The following C2CD3 variants were observed in gnomAD, a reference collection of about 807,000 sequenced individuals.
C2CD3 encodes C2 domain containing 3 centriole elongation regulator.
In C2CD3, 148 loss-of-function variants were observed where a neutral mutation model predicts 234.0. The ratio of observed to expected loss-of-function variants is 0.63; its 90% CI spans 0.55 to 0.72. The LOEUF is 0.72. Ranked by LOEUF, C2CD3 falls within the 30% of genes least tolerant of loss-of-function variation. The pLI, the probability that C2CD3 is intolerant of heterozygous loss-of-function variation, is 0.00. For missense variants in C2CD3, 2,577 were observed against 2,811.5 expected, an observed-to-expected ratio of 0.92 and a Z score of 1.89; for synonymous variants, 1,000 against 1,035.4, an observed-to-expected ratio of 0.97 and a Z score of 0.66.
intron 22 of C2CD3, among the ~76,000 whole-genome samples, chr11:74,079,894 A>G (rs1204577507): frequency 6.6e-6 from 1 of 152,146 alleles, no homozygotes; most frequent in African/African-American, 2.4e-5. Context: ...ATTATATATC[A>G]GGGCTCACAG....
chr11:74,162,282 GA>G (rs905455938), intron 2 of C2CD3, among the ~76,000 whole-genome samples: 13 of 151,696 alleles, frequency 8.6e-5, no homozygotes, highest in Admixed American at 6.6e-4. Context: ...TTGCTAAGTA[GA>G]AAAAAAAGTG....
At chr11:74,019,169 A>G (rs1406167187) in intron 32 of C2CD3, among the ~76,000 whole-genome samples, 3 of 152,194 alleles carry the variant, frequency 2.0e-5, no homozygotes, top group Non-Finnish European at 4.4e-5. Context: ...GGGAAGGGTT[A>G]AAAGTTATAC....
intron 3 of C2CD3, among the ~76,000 whole-genome samples, chr11:74,156,429 C>G (rs922285206): frequency 6.8e-6 from 1 of 146,354 alleles, no homozygotes; most frequent in Non-Finnish European, 1.5e-5. Flanking sequence ...TCACTGTACT[C>G]CAGCCTGGGC....
intron 23 of C2CD3, among the ~76,000 whole-genome samples, chr11:74,077,902 A>G (rs570475387): frequency 1.4e-5 from 2 of 144,606 alleles, no homozygotes; most frequent in African/African-American, 5.0e-5. Context: ...TCAGCATGCA[A>G]TAATGGAAGG....
At chr11:74,042,331 C>G in intron 28 of C2CD3, 113 bp from the exon 29 acceptor site, 1 of 1,060,424 alleles carries the variant, frequency 9.4e-7, no homozygotes, top group Non-Finnish European at 1.3e-6. Flanking sequence ...GCAAATCTAT[C>G]CCCACTATCA....
At chr11:74,155,700 A>G (rs900074213) in intron 3 of C2CD3, among the ~76,000 whole-genome samples, 2 of 152,196 alleles carry the variant, frequency 1.3e-5, no homozygotes, top group Non-Finnish European at 2.9e-5. Flanking sequence ...ATACACAGAG[A>G]CAGAAAGTAG....
intron 32 of C2CD3, among the ~76,000 whole-genome samples, chr11:74,016,118 G>A (rs1298626873): frequency 1.3e-5 from 2 of 152,058 alleles, no homozygotes; most frequent in Non-Finnish European, 2.9e-5. Context: ...AACTTTTCAG[G>A]AGCCTAAGAT....
rs1956275532 is a variant in C2CD3 at position 74,100,556 on chromosome 11, G to T, written c.2701C>A (p.Leu901Ile). ...GACATGTAAAACTGGTGGAGGGGAA[G>T]TTTCACCAGCCCGAGCAGCTTGTCC... is the stretch of plus-strand genomic sequence containing the variant. ...GQDKLLGLVK[L>I]PLHQFYMSFK... Residue 901 changes from leucine to isoleucine, a missense_variant, in exon 15 of 33, where the codon CTT (leucine) becomes ATT (isoleucine). Leu to Ile is a conservative substitution (Grantham distance 5). Coordinates refer to ENST00000334126, the MANE Select transcript of C2CD3 (RefSeq NM_001286577.2). 1 of 1,612,464 alleles carries T rather than the reference G, an allele frequency of 6.2e-7. No homozygotes were observed.
chr11:74,033,646 G>T lies in C2CD3; in HGVS notation c.6514C>A (p.Pro2172Thr), dbSNP rs947289641. The T allele has an allele frequency of 8.5e-6, 13 of 1,535,994 alleles. No individual in the cohort carries two copies. In the African/African-American group the frequency reaches 1.8e-4, roughly 21 times the overall value. The change falls in exon 31 of 33, where the codon CCT becomes ACT. Residue 2172 changes from proline (P) to threonine (T), a missense_variant. Physicochemically the swap from Pro to Thr is conservative, Grantham distance 38. Transcript: ENST00000334126. ...RVGGESASAN[P>T]QPIPCPTLSG... Reference sequence around the variant, plus strand: ...AGTGTTGGGCATGGGATGGGCTGAGGGTTGGCTGAGGCAGACTCGCCACCA... The same window carrying T: ...AGTGTTGGGCATGGGATGGGCTGAGTGTTGGCTGAGGCAGACTCGCCACCA...
chr11:74,134,108 C>T (rs971099145), intron 5 of C2CD3, among the ~76,000 whole-genome samples: 3 of 152,122 alleles, frequency 2.0e-5, no homozygotes, highest in Non-Finnish European at 4.4e-5. Context: ...TTACCACATG[C>T]GAGGCACTAT....
chr11:74,117,341 G>A (rs1379195407), intron 9 of C2CD3, among the ~76,000 whole-genome samples: 1 of 117,558 alleles, frequency 8.5e-6, no homozygotes, highest in South Asian at 2.6e-4. Context: ...AGGTGACATC[G>A]TCTAAGTCAT....
chr11:74,045,966 T>C (rs1463895370), intron 28 of C2CD3, among the ~76,000 whole-genome samples: 2 of 152,232 alleles, frequency 1.3e-5, no homozygotes, highest in African/African-American at 4.8e-5. Flanking sequence ...ATTTCTAATA[T>C]GGTAAAAATT....
intron 1 of C2CD3, among the ~76,000 whole-genome samples, chr11:74,169,112 C>T (rs1031466707): frequency 1.3e-5 from 2 of 152,282 alleles, no homozygotes; most frequent in African/African-American, 2.4e-5. Flanking sequence ...CACTCACAAA[C>T]GATTTAGACT....
intron 31 of C2CD3, 148 bp downstream of exon 31, chr11:74,033,203 G>A: frequency 1.6e-6 from 1 of 643,472 alleles, no homozygotes. Context: ...TAAAACTGTA[G>A]CACCTGTCAT....
At chr11:74,163,912 T>G (rs1856636481) in intron 2 of C2CD3, among the ~76,000 whole-genome samples, 1 of 152,074 alleles carries the variant, frequency 6.6e-6, no homozygotes, top group South Asian at 2.1e-4. Context: ...ACAGCCAGGG[T>G]CTTCCACATC....
In C2CD3 at chr11:74,160,323, A is replaced by G. The variant is rs534624610; in HGVS notation, c.483+1076T>C. 5.1e-4 allele frequency among the ~76,000 whole-genome samples: 78 copies of G among 152,338 alleles called. 1 individual carries two copies. The highest frequency in any genetic ancestry group is 1.9e-3 in the African/African-American group (77 of 41,582). On this transcript the variant is annotated intron_variant, in intron 3 of 32. Transcript: ENST00000334126. ...ATCACAGCACTATTCACAATAGCCAAGATGTGGAATCAACCTAAGCATTCA... is the reference window on the plus strand; with the variant it reads ...ATCACAGCACTATTCACAATAGCCAGGATGTGGAATCAACCTAAGCATTCA...
At chr11:74,112,980 C>T (rs1455723407) in intron 11 of C2CD3, among the ~76,000 whole-genome samples, 1 of 152,142 alleles carries the variant, frequency 6.6e-6, no homozygotes, top group African/African-American at 2.4e-5. Context: ...ACAGTCCATA[C>T]AAAACCACGT....
intron 24 of C2CD3, among the ~76,000 whole-genome samples, chr11:74,057,753 T>C (rs1954026616): frequency 6.6e-6 from 1 of 152,000 alleles, no homozygotes; most frequent in African/African-American, 2.4e-5. Flanking sequence ...GGAGGACAAC[T>C]TGAGCGCAGA....
Position 74,095,264 on chromosome 11 carries a change from A to T in C2CD3, c.3124T>A (p.Ser1042Thr). 1 of 1,613,670 alleles carries T rather than the reference A, an allele frequency of 6.2e-7. No individual in the cohort carries two copies. The highest frequency in any genetic ancestry group is 8.5e-7 in the Non-Finnish European group (1 of 1,179,702). Residue 1042 changes from serine (S) to threonine (T), a missense_variant, in exon 17 of 33, where the codon TCC becomes ACC. Transcript: ENST00000334126. ...AACTCAGGTCCTTTCAGCACACTGG[A>T]TTGAGAGTGTTGAACTGGAAAGTAG... Reference protein sequence around the residue: ...QYYFPVQHSQSSVLKGPEFLE... With the variant: ...QYYFPVQHSQTSVLKGPEFLE...
Sources: allele counts gnomAD v4.1 joint callset (sites outside exome capture counted in the v4.1 genomes callset), GRCh38; gene constraint gnomAD v4.1.1; transcripts MANE v1.5; gene names NCBI Gene and HGNC (gene_info 2026-07-23, HGNC 2026-07-21).